Variants in ABCB6 observed in about 807,000 individuals in gnomAD.
The protein encoded by ABCB6 is ATP-binding cassette sub-family B member 6.
Under a neutral mutation model 99.4 loss-of-function variants are expected in ABCB6, and 87 were observed. The observed-to-expected ratio is 0.88, with a 90% CI of 0.74 to 1.05. The LOEUF (loss-of-function observed/expected upper bound fraction) is 1.05, where lower values mean the gene tolerates loss of function less well. Ranked by LOEUF, ABCB6 falls within the 50% of genes least tolerant of loss-of-function variation. The probability of loss-of-function intolerance (pLI) is 0.00; values close to 1 mark genes in which losing one functional copy is unlikely to be tolerated. For synonymous variants in ABCB6, 482 were observed against 447.5 expected, an observed-to-expected ratio of 1.08 and a Z score of -0.97; for missense variants, 1,050 against 1,097.9, an observed-to-expected ratio of 0.96 and a Z score of 0.62.
At position 219,218,381 on chromosome 2, in the gene ABCB6, G is replaced by A. The variant is rs757233071; in HGVS notation, c.293C>T (p.Ala98Val). ...ATAGCTTGGCAGTGGGGCCCCCCGG[G>A]CAGTGCCCACCCGGCCAGCCAGGCC... Reference protein sequence around the residue: ...LAGLAGRVGTARGAPLPSYLL... With the variant: ...LAGLAGRVGTVRGAPLPSYLL... Residue 98 changes from alanine (A) to valine (V), a missense_variant, in exon 1 of 19, where the codon GCC becomes GTC. Coordinates refer to ENST00000265316, the MANE Select transcript of ABCB6 (RefSeq NM_005689.4). 6.2e-7 allele frequency: 1 copy of A among 1,612,614 alleles called. No individual in the cohort carries two copies. The highest frequency in any genetic ancestry group is 1.3e-5 in the African/African-American group (1 of 75,058).
In ABCB6 at chr2:219,213,212, A is replaced by G. The variant is rs772881476; in HGVS notation, c.1805+29T>C. 17 of 1,613,048 alleles carry G rather than the reference A, an allele frequency of 1.1e-5. No individual in the cohort carries two copies. In the African/African-American group the frequency reaches 2.0e-4, roughly 19 times the overall value. Reference sequence around the variant, plus strand: ...GAAGGCAGTGTGCAAATGAACGGAAAAGCAAAGGAAGCAAAAGGAAGGCCT... The same window carrying G: ...GAAGGCAGTGTGCAAATGAACGGAAGAGCAAAGGAAGCAAAAGGAAGGCCT... On this transcript the variant is annotated intron_variant, in intron 12 of 18. Transcript: ENST00000265316.
chr2:219,217,101 G>A (rs1303738829), intron 2 of ABCB6, among the ~76,000 whole-genome samples: 1 of 152,236 alleles, frequency 6.6e-6, no homozygotes, highest in Non-Finnish European at 1.5e-5. Flanking sequence ...GCTCATGCCT[G>A]TAATCCCAGC....
intron 1 of ABCB6, 148 bp downstream of exon 1, chr2:219,217,977 T>A: frequency 1.5e-6 from 2 of 1,350,168 alleles, no homozygotes; most frequent in Non-Finnish European, 2.0e-6. Flanking sequence ...CCCCACCAGC[T>A]GGCTATCAGC....
At position 219,210,376 on chromosome 2, in the gene ABCB6, T is replaced by C; in HGVS notation, c.2351+5A>G. The stretch of plus-strand genomic sequence containing the variant: ...ACCAGCCGCCCCAGGCCTGTAGTCC[T>C]GTACCTGTGTGCCACTACGATGGTG... On this transcript the variant is annotated splice_donor_5th_base_variant and intron_variant, in intron 17 of 18. Transcript: ENST00000265316. The C allele has an allele frequency of 1.2e-6, 2 of 1,614,236 alleles. No individual in the cohort carries two copies. The highest frequency in any genetic ancestry group is 1.1e-5 in the South Asian group (1 of 91,086).
Position 219,209,941 on chromosome 2 carries a change from C to T in ABCB6, c.2526G>A (p.Arg842=), listed in dbSNP as rs1394831999. The T allele has an allele frequency of 1.2e-6, 2 of 1,614,064 alleles. No homozygotes were observed. Among genetic ancestry groups the T allele is most frequent in the East Asian group, 2.2e-5 (1 of 44,882 alleles). ...SEDTKPQTME[R] ...GAGGGAAGTGGCCAAACTTTTGTCA[C>T]CGTTCCATGGTCTGAGGCTTAGTGT... The change falls in exon 19 of 19, where the codon CGG becomes CGA. Residue 842 remains arginine, a synonymous_variant. Transcript: ENST00000265316.
intron 14 of ABCB6, among the ~76,000 whole-genome samples, chr2:219,211,946 G>A (rs981713848): frequency 3.3e-5 from 5 of 151,914 alleles, no homozygotes; most frequent in East Asian, 1.9e-4. Context: ...TGTATTTTTC[G>A]TAGAGACGGG....
At chr2:219,210,185 C>A (rs370487037) in intron 18 of ABCB6, 45 bp downstream of exon 18, 13 of 1,611,102 alleles carry the variant, frequency 8.1e-6, no homozygotes, top group Non-Finnish European at 1.1e-5. Flanking sequence ...TTTCCTGGAG[C>A]CCCCAATTCA....
chr2:219,215,423 TATA>T (rs1361867108), intron 5 of ABCB6: 1 of 242,606 alleles, frequency 4.1e-6, no homozygotes, highest in African/African-American at 2.3e-5. Context: ...AGTCTGCATA[TATA>T]ATATGTATGT....
In ABCB6 at chr2:219,218,665, A is replaced by G; in HGVS notation, c.9T>C (p.Thr3=). The G allele has an allele frequency of 6.3e-7, 1 of 1,576,792 alleles. No homozygotes were observed. Among genetic ancestry groups the G allele is most frequent in the Non-Finnish European group, 8.6e-7 (1 of 1,161,340 alleles). ...CTTCGGCCTCGCAGTAGTTGCCCAC[A>G]GTCACCATGGCAATGCGTGGACGCC... The part of the protein sequence containing the change: MV[T]VGNYCEAEGP... The change falls in exon 1 of 19, where the codon ACT becomes ACC. Residue 3 remains threonine, a synonymous_variant. Transcript: ENST00000265316.
chr2:219,214,869 C>T (rs1950620664), intron 6 of ABCB6, 92 bp downstream of exon 6: 1 of 1,510,624 alleles, frequency 6.6e-7, no homozygotes, highest in Non-Finnish European at 9.1e-7. Flanking sequence ...TCCACAGCCT[C>T]CCATAGGTGG....
At chr2:219,217,383 C>T (rs544423444) in intron 2 of ABCB6, among the ~76,000 whole-genome samples, 11 of 151,684 alleles carry the variant, frequency 7.3e-5, no homozygotes, top group Non-Finnish European at 1.5e-4. Context: ...CAGTGGCTCA[C>T]GCCTGTAATC....
intron 5 of ABCB6, 90 bp from the exon 6 acceptor site, chr2:219,215,172 T>C (rs1950624185): frequency 1.9e-6 from 3 of 1,539,514 alleles, no homozygotes; most frequent in Admixed American, 1.8e-5. Flanking sequence ...TGTTTTATTT[T>C]CAAGCAACAG....
rs1950686004 is a variant in ABCB6, at chr2:219,218,876, A to C, written c.-203T>G. 3.6e-6 allele frequency: 2 copies of C among 554,454 alleles called. No individual in the cohort carries two copies. Among genetic ancestry groups the C allele is most frequent in the Middle Eastern group, 4.7e-4 (1 of 2,110 alleles). The allele number at this position is 554,454 out of a possible 1,614,324, so 34.3% of individuals were successfully genotyped here. ...GCGCACGCGCCGCCGCCACGCACTC[A>C]CGCAGGGCACGTACGCCGTCTCAGC... On this transcript the variant is annotated 5_prime_UTR_variant, in exon 1 of 19. Coordinates refer to ENST00000265316, the MANE Select transcript of ABCB6 (RefSeq NM_005689.4).
At position 219,215,834 on chromosome 2, in the gene ABCB6, C is replaced by T. The variant is rs996929532; in HGVS notation, c.1154+163G>A. 22 of 684,610 alleles carry T rather than the reference C, an allele frequency of 3.2e-5. No individual in the cohort carries two copies. In the African/African-American group the frequency reaches 3.7e-4, roughly 11 times the overall value. The allele number at this position is 684,610 out of a possible 1,614,324, so 42.4% of individuals were successfully genotyped here. On this transcript the variant is annotated intron_variant, in intron 5 of 18. Transcript: ENST00000265316. ...GAGATTTGCCCTCTGCCCGCATTAC[C>T]TAAGTTATTAGGAGAGCATGTATAC...
Position 219,218,632 on chromosome 2 carries a change from C to T in ABCB6, c.42G>A (p.Val14=), listed in dbSNP as rs758035193. 7.5e-6 allele frequency: 12 copies of T among 1,601,894 alleles called. No homozygotes were observed. Among genetic ancestry groups the T allele is most frequent in the Non-Finnish European group, 6.8e-6 (8 of 1,175,288 alleles). The change falls in exon 1 of 19, where the codon GTG becomes GTA. Residue 14 remains valine (V), a synonymous_variant. Coordinates refer to ENST00000265316, the MANE Select transcript of ABCB6 (RefSeq NM_005689.4). The part of the protein sequence containing the change: ...VGNYCEAEGP[V]GPAWMQDGLS... ...GGCCATCCTGCATCCAGGCCGGACC[C>T]ACGGGCCCTTCGGCCTCGCAGTAGT... is the stretch of plus-strand genomic sequence containing the variant.
chr2:219,215,363 A>G, intron 5 of ABCB6: 1 of 361,360 alleles, frequency 2.8e-6, no homozygotes, highest in South Asian at 3.3e-5. Flanking sequence ...GCTATGTCAC[A>G]ATACCATTTG....
chr2:219,212,079 TAG>T (rs1950585956), intron 14 of ABCB6, among the ~76,000 whole-genome samples: 1 of 151,912 alleles, frequency 6.6e-6, no homozygotes, highest in Non-Finnish European at 1.5e-5. Flanking sequence ...GTATTTTTTG[TAG>T]AGAGGGTGTT....
chr2:219,211,123 C>A lies in ABCB6; in HGVS notation c.1969-15G>T. 16 of 1,613,618 alleles carry A rather than the reference C, an allele frequency of 9.9e-6. No homozygotes were observed. Among genetic ancestry groups the A allele is most frequent in the Non-Finnish European group, 1.4e-5 (16 of 1,179,908 alleles). On this transcript the variant is annotated splice_polypyrimidine_tract_variant and intron_variant, in intron 14 of 18. Coordinates refer to ENST00000265316, the MANE Select transcript of ABCB6 (RefSeq NM_005689.4). ...GCCTGGGTCACCTAGGGCCAAAAGA[C>A]CACACACTCTGCCTTATGAGATACC...
rs1950675873 is a variant in ABCB6 at position 219,218,426 on chromosome 2, T to C, written c.248A>G (p.Gln83Arg). 1 of 1,610,728 alleles carries C rather than the reference T, an allele frequency of 6.2e-7. No homozygotes were observed. Among genetic ancestry groups the C allele is most frequent in the Non-Finnish European group, 8.5e-7 (1 of 1,178,828 alleles). The change falls in exon 1 of 19, where the codon CAG (glutamine) becomes CGG (arginine). Residue 83 changes from glutamine (Q) to arginine (R), a missense_variant. Coordinates refer to ENST00000265316, the MANE Select transcript of ABCB6 (RefSeq NM_005689.4). Reference sequence around the variant, plus strand: ...CAGGCCGGCCAGGGGCAGCGCCGCCTGAAGTGTGGCCAGAAGCAGCTGCAG... The same window carrying C: ...CAGGCCGGCCAGGGGCAGCGCCGCCCGAAGTGTGGCCAGAAGCAGCTGCAG... ...YVLQLLLATLQAALPLAGLAG... is the reference protein window; with the variant it reads ...YVLQLLLATLRAALPLAGLAG...
Sources: gnomAD v4.1 joint callset for allele counts (sites outside exome capture counted in the v4.1 genomes callset) on GRCh38, gnomAD v4.1.1 for gene constraint, MANE v1.5 for transcripts, NCBI Gene and HGNC (gene_info 2026-07-23, HGNC 2026-07-21) for gene names.